The following DOCK1 variants were observed in gnomAD, a reference collection of about 807,000 sequenced individuals.
The protein encoded by DOCK1 is dedicator of cytokinesis 1, also known as dedicator of cytokinesis protein 1.
A neutral mutation model predicts 262.7 loss-of-function variants in DOCK1; 138 were observed. That is an observed-to-expected ratio of 0.53 (90% CI 0.46 to 0.61). DOCK1 has a LOEUF of 0.61. DOCK1 is among the 20% of genes least tolerant of loss of function. The pLI is 0.00. For synonymous variants in DOCK1, 866 were observed against 867.4 expected (o/e 1.00, Z 0.03); for missense variants, 1,908 against 2,370.7 (o/e 0.80, Z 4.05).
intron 27 of DOCK1, among the ~76,000 whole-genome samples, chr10:127,145,462 A>G (rs1377329697): frequency 6.6e-6 from 1 of 152,226 alleles, no homozygotes; most frequent in Non-Finnish European, 1.5e-5. Flanking sequence ...TCAGTGAAGA[A>G]CAGCCAGTTT....
At chr10:127,445,291 T>C (rs2070462018) in intron 50 of DOCK1, among the ~76,000 whole-genome samples, 1 of 152,106 alleles carries the variant, frequency 6.6e-6, no homozygotes, top group Non-Finnish European at 1.5e-5. Context: ...GCAGGAGAGC[T>C]CTGTGCCCTG....
chr10:127,242,681 G>A (rs1485668964), intron 27 of DOCK1, among the ~76,000 whole-genome samples: 1 of 152,036 alleles, frequency 6.6e-6, no homozygotes, highest in Non-Finnish European at 1.5e-5. Flanking sequence ...ATTTTAAAAT[G>A]TTACTGGATA....
chr10:126,939,712 G>A lies in DOCK1; in HGVS notation c.47-30990G>A, dbSNP rs1158178580. On this transcript the variant is annotated intron_variant, in intron 1 of 51. Transcript: ENST00000623213. ...TCTTCAGTCCAGATGAGTCCGAGTCGTCACGAGACCAGTGTTCTGTGATGG... is the reference window on the plus strand; with the variant it reads ...TCTTCAGTCCAGATGAGTCCGAGTCATCACGAGACCAGTGTTCTGTGATGG... Among the ~76,000 whole-genome samples the A allele has an allele frequency of 4.6e-5, 7 of 152,152 alleles. No individual in the cohort carries two copies. In the East Asian group the frequency reaches 5.8e-4, roughly 13 times the overall value.
intron 27 of DOCK1, among the ~76,000 whole-genome samples, chr10:127,189,997 T>G (rs1202345599): frequency 1.3e-5 from 2 of 152,164 alleles, no homozygotes; most frequent in African/African-American, 4.8e-5. Flanking sequence ...AACTCTCCAG[T>G]TTTTTTGGTG....
intron 23 of DOCK1, among the ~76,000 whole-genome samples, chr10:127,071,280 C>T (rs1393072305): frequency 6.6e-6 from 1 of 152,086 alleles, no homozygotes; most frequent in African/African-American, 2.4e-5. Context: ...TAGGATTCTT[C>T]CTGCCCGCTC....
intron 27 of DOCK1, among the ~76,000 whole-genome samples, chr10:127,145,247 C>T (rs2051693728): frequency 1.3e-5 from 2 of 152,092 alleles, no homozygotes; most frequent in South Asian, 4.2e-4. Flanking sequence ...CACCGAGGAG[C>T]AGAGGCAGAC....
At chr10:127,069,535 G>T (rs1564779047) in intron 23 of DOCK1, among the ~76,000 whole-genome samples, 1 of 152,166 alleles carries the variant, frequency 6.6e-6, no homozygotes, top group Admixed American at 6.5e-5. Context: ...GGAGGAGGGG[G>T]TGCACTGATG....
intron 1 of DOCK1, among the ~76,000 whole-genome samples, chr10:126,952,156 C>T (rs1249346052): frequency 1.3e-5 from 2 of 151,764 alleles, no homozygotes; most frequent in African/African-American, 4.8e-5. Flanking sequence ...CCAGCCTCTT[C>T]GTTTATATAG....
intron 27 of DOCK1, among the ~76,000 whole-genome samples, chr10:127,238,342 A>G (rs1301018743): frequency 6.6e-6 from 1 of 152,180 alleles, no homozygotes; most frequent in African/African-American, 2.4e-5. Flanking sequence ...ATAATTAGGA[A>G]GAATCTATAG....
At chr10:126,994,889 G>A (rs894864323) in intron 6 of DOCK1, among the ~76,000 whole-genome samples, 5 of 151,856 alleles carry the variant, frequency 3.3e-5, no homozygotes, top group Non-Finnish European at 7.4e-5. Context: ...TTCCCAGACG[G>A]GGCGGCCGGG....
intron 48 of DOCK1, 146 bp downstream of exon 48, chr10:127,433,574 C>G: frequency 8.5e-7 from 1 of 1,177,688 alleles, no homozygotes; most frequent in Admixed American, 2.9e-5. Flanking sequence ...CCCTCCGAGA[C>G]TTTCTGACCG....
intron 2 of DOCK1, among the ~76,000 whole-genome samples, chr10:126,977,586 G>T (rs1295708817): frequency 2.0e-5 from 3 of 152,166 alleles, no homozygotes; most frequent in African/African-American, 7.2e-5. Context: ...CAGGCAGAGG[G>T]AGAGTGAAGA....
chr10:127,249,452 C>G (rs1251070315), intron 28 of DOCK1, among the ~76,000 whole-genome samples: 1 of 151,734 alleles, frequency 6.6e-6, no homozygotes, highest in African/African-American at 2.4e-5. Context: ...CACACACACA[C>G]ACACACACAC....
At chr10:127,428,987 TGCC>T (rs2069071045) in intron 47 of DOCK1, among the ~76,000 whole-genome samples, 1 of 142,614 alleles carries the variant, frequency 7.0e-6, no homozygotes, top group Non-Finnish European at 1.5e-5. Flanking sequence ...TGGATTGGGG[TGCC>T]GTGTGGATTG....
intron 27 of DOCK1, among the ~76,000 whole-genome samples, chr10:127,141,864 T>C (rs919525121): frequency 6.6e-6 from 1 of 152,206 alleles, no homozygotes; most frequent in African/African-American, 2.4e-5. Flanking sequence ...GTCTGTGGCC[T>C]GGTTCTATTC....
At chr10:127,005,162 CCCCATCCCTA>C (rs2040918756) in intron 10 of DOCK1, among the ~76,000 whole-genome samples, 1 of 151,946 alleles carries the variant, frequency 6.6e-6, no homozygotes, top group Non-Finnish European at 1.5e-5. Context: ...TATGGTGAAA[CCCCATCCCTA>C]CCCAAAAAAA....
intron 5 of DOCK1, 138 bp downstream of exon 5, chr10:126,987,755 G>A: frequency 1.2e-6 from 1 of 815,370 alleles, no homozygotes; most frequent in Non-Finnish European, 1.9e-6. Flanking sequence ...CTCGGAATTG[G>A]CAAAGGAAGC....
rs762351381 is a variant in DOCK1, at chr10:126,981,968, A to C, written c.222A>C (p.Gly74=). Residue 74 remains glycine (G), a synonymous_variant, in exon 4 of 52, where the codon GGA becomes GGC. Coordinates refer to ENST00000623213, the MANE Select transcript of DOCK1 (RefSeq NM_001290223.2). ...YIHLKEAIVE[G]KGQHETVIPG... The stretch of plus-strand genomic sequence containing the variant: ...ATCTTAAAGAAGCGATAGTTGAAGG[A>C]AAAGGGTGAGTCTGGTCTTGATGTT... 1.9e-6 allele frequency: 3 copies of C among 1,613,370 alleles called. No homozygotes were observed. In the South Asian group the frequency reaches 3.3e-5, roughly 18 times the overall value.
chr10:127,400,822 G>A (rs1184748159), intron 38 of DOCK1, among the ~76,000 whole-genome samples: 1 of 152,094 alleles, frequency 6.6e-6, no homozygotes, highest in Non-Finnish European at 1.5e-5. Flanking sequence ...TCATTCCTGG[G>A]CTTTGGCTAA....
Sources: gnomAD v4.1 joint callset for allele counts (sites outside exome capture counted in the v4.1 genomes callset) on GRCh38, gnomAD v4.1.1 for gene constraint, MANE v1.5 for transcripts, NCBI Gene and HGNC (gene_info 2026-07-23, HGNC 2026-07-21) for gene names.